The following ZRANB3 variants were observed in gnomAD, a reference collection of about 807,000 sequenced individuals.
ZRANB3 encodes the protein zinc finger RANBP2-type containing 3, also known as DNA annealing helicase and endonuclease ZRANB3.
In ZRANB3, 125 loss-of-function variants were observed where a neutral mutation model predicts 133.8. The ratio of observed to expected loss-of-function variants is 0.93; its 90% CI spans 0.81 to 1.08. The LOEUF is 1.08. Among genes scored for constraint, ZRANB3 ranks in the 50% least tolerant of loss-of-function variants. The pLI is 0.00. For missense variants in ZRANB3, 1,229 were observed against 1,275.5 expected, an observed-to-expected ratio of 0.96 and a Z score of 0.56; for synonymous variants, 387 against 432.7, an observed-to-expected ratio of 0.89 and a Z score of 1.31.
chr2:135,295,795 T>A (rs925424182), intron 8 of ZRANB3, among the ~76,000 whole-genome samples: 24 of 152,216 alleles, frequency 1.6e-4, no homozygotes, highest in Admixed American at 1.3e-4. Context: ...TCTCTCAGCA[T>A]TTGCTTGTCT....
intron 2 of ZRANB3, among the ~76,000 whole-genome samples, chr2:135,443,030 G>A (rs1354437252): frequency 6.6e-6 from 1 of 151,786 alleles, no homozygotes; most frequent in East Asian, 1.9e-4. Flanking sequence ...GCAAAAGAAT[G>A]GCGTGAATCT....
At chr2:135,520,802 T>A (rs1439495688) in intron 1 of ZRANB3, among the ~76,000 whole-genome samples, 1 of 151,942 alleles carries the variant, frequency 6.6e-6, no homozygotes, top group Non-Finnish European at 1.5e-5. Flanking sequence ...TCAGGCTAAT[T>A]GTTTTTTTTT....
chr2:135,478,162 T>C (rs1228667972), intron 2 of ZRANB3, among the ~76,000 whole-genome samples: 1 of 152,132 alleles, frequency 6.6e-6, no homozygotes. Flanking sequence ...TAAAAATATA[T>C]ATATACATAC....
In ZRANB3 at chr2:135,478,759, T is replaced by G. The variant is rs149563757; in HGVS notation, c.161+25570A>C. 3.0e-3 allele frequency among the ~76,000 whole-genome samples: 450 copies of G among 152,174 alleles called. 3 individuals are homozygous for G. The highest frequency in any genetic ancestry group is 0.01 in the African/African-American group (419 of 41,534). Reference sequence around the variant, plus strand: ...GATAGACAGCTGAAGTTAACTATTATGAATAAGGCTGCTATTCCTAACTAT... The same window carrying G: ...GATAGACAGCTGAAGTTAACTATTAGGAATAAGGCTGCTATTCCTAACTAT... On this transcript the variant is annotated intron_variant, in intron 2 of 20. Coordinates refer to ENST00000264159, the MANE Select transcript of ZRANB3 (RefSeq NM_032143.4).
intron 9 of ZRANB3, among the ~76,000 whole-genome samples, chr2:135,273,145 C>T (rs1280714359): frequency 1.4e-5 from 2 of 147,344 alleles, no homozygotes; most frequent in East Asian, 4.0e-4. Flanking sequence ...GAGATCTAGC[C>T]ACTGCACTCC....
chr2:135,501,172 G>A (rs1692925197), intron 2 of ZRANB3, among the ~76,000 whole-genome samples: 1 of 151,922 alleles, frequency 6.6e-6, no homozygotes, highest in African/African-American at 2.4e-5. Flanking sequence ...ACAAAAATTA[G>A]ACTGATTTTT....
intron 8 of ZRANB3, among the ~76,000 whole-genome samples, chr2:135,291,291 T>C (rs978965402): frequency 6.6e-6 from 1 of 152,174 alleles, no homozygotes; most frequent in Admixed American, 6.5e-5. Flanking sequence ...CAAGCGATTC[T>C]CCAGCCTCAG....
chr2:135,414,803 C>T (rs1023428487), intron 2 of ZRANB3, among the ~76,000 whole-genome samples: 7 of 152,122 alleles, frequency 4.6e-5, no homozygotes, highest in African/African-American at 1.4e-4. Flanking sequence ...AAGAATCTCA[C>T]TCAAAACTGC....
intron 2 of ZRANB3, 189 bp downstream of exon 2, chr2:135,504,140 A>C (rs1465070612): frequency 1.2e-5 from 8 of 688,990 alleles, no homozygotes; most frequent in Non-Finnish European, 2.0e-5. Flanking sequence ...TTAAGAAATC[A>C]CAATTGGTTC....
chr2:135,353,522 T>C lies in ZRANB3; in HGVS notation c.287A>G (p.Glu96Gly). The change falls in exon 4 of 21, where the codon GAA becomes GGA. Residue 96 changes from glutamate (E) to glycine (G), a missense_variant. Transcript: ENST00000264159. ...CTCTGGGATCCATTTTTCAATTTCT[T>C]CTGTCCAAGGGTACCTCAGAGACGA... The part of the protein sequence containing the change: ...VPSSLRYPWT[E>G]EIEKWIPELS... 1 of 1,610,728 alleles carries C rather than the reference T, an allele frequency of 6.2e-7. No individual in the cohort carries two copies. The highest frequency in any genetic ancestry group is 1.7e-4 in the Middle Eastern group (1 of 6,046).
chr2:135,198,831 G>C lies in ZRANB3; in HGVS notation c.*1511C>G, dbSNP rs1350166252. ...CTCATACAATGAAATAGAAACTGAG[G>C]AACAACTGTGGTTGTATAATCTTTG... On this transcript the variant is annotated 3_prime_UTR_variant, in exon 21 of 21. Coordinates refer to ENST00000264159, the MANE Select transcript of ZRANB3 (RefSeq NM_032143.4). 1 of 152,112 alleles carries C rather than the reference G, an allele frequency of 6.6e-6. No individual in the cohort carries two copies. The highest frequency in any genetic ancestry group is 1.5e-5 in the Non-Finnish European group (1 of 68,004). The allele number at this position is 152,112 out of a possible 1,614,324, so 9.4% of individuals were successfully genotyped here. A position where few individuals can be genotyped will look rare whatever the true frequency, so the allele number is the denominator to read the frequency against.
intron 2 of ZRANB3, among the ~76,000 whole-genome samples, chr2:135,499,936 G>A (rs1212990834): frequency 6.6e-6 from 1 of 152,140 alleles, no homozygotes; most frequent in Non-Finnish European, 1.5e-5. Context: ...TATCACCAAT[G>A]TAACCAATAT....
chr2:135,402,296 T>G (rs986222208), intron 2 of ZRANB3, among the ~76,000 whole-genome samples: 2 of 83,022 alleles, frequency 2.4e-5, no homozygotes, highest in Admixed American at 2.7e-4. Flanking sequence ...TCTTTCTCTC[T>G]TTTTTTTTTT....
intron 8 of ZRANB3, among the ~76,000 whole-genome samples, chr2:135,308,472 C>G (rs1682806198): frequency 6.6e-6 from 1 of 152,206 alleles, no homozygotes; most frequent in Non-Finnish European, 1.5e-5. Context: ...GGACTCCCAG[C>G]TAGCACCTGC....
chr2:135,431,893 C>T (rs563931842), intron 2 of ZRANB3, among the ~76,000 whole-genome samples: 5 of 152,046 alleles, frequency 3.3e-5, no homozygotes, highest in African/African-American at 7.2e-5. Context: ...AATAGTTGTA[C>T]GACATTATGA....
intron 12 of ZRANB3, among the ~76,000 whole-genome samples, chr2:135,247,688 C>A (rs960959004): frequency 6.6e-6 from 1 of 152,042 alleles, no homozygotes; most frequent in African/African-American, 2.4e-5. Flanking sequence ...CCCATTTCCA[C>A]GGCAACTCAC....
chr2:135,220,697 C>CAAAAA (rs1222053120), intron 15 of ZRANB3, among the ~76,000 whole-genome samples: 2 of 54,904 alleles, frequency 3.6e-5, no homozygotes, highest in African/African-American at 5.8e-5. Flanking sequence ...GACTCCATCT[C>CAAAAA]AAAAAAAAAA....
intron 2 of ZRANB3, among the ~76,000 whole-genome samples, chr2:135,401,924 T>C (rs1687749675): frequency 6.6e-6 from 1 of 152,222 alleles, no homozygotes; most frequent in Non-Finnish European, 1.5e-5. Context: ...CCATAAAACC[T>C]CAATAGCATC....
intron 12 of ZRANB3, among the ~76,000 whole-genome samples, chr2:135,259,390 A>G (rs1275813434): frequency 2.0e-5 from 3 of 151,832 alleles, no homozygotes; most frequent in East Asian, 3.9e-4. Flanking sequence ...CTTTTGCAGC[A>G]GACAAGCAAC....
Sources: allele counts gnomAD v4.1 joint callset (sites outside exome capture counted in the v4.1 genomes callset), GRCh38; gene constraint gnomAD v4.1.1; transcripts MANE v1.5; gene names NCBI Gene and HGNC (gene_info 2026-07-23, HGNC 2026-07-21).